The following IGSF10 variants were observed in gnomAD, a reference collection of about 807,000 sequenced individuals.
The protein encoded by IGSF10 is calvaria mechanical force protein 608.
IGSF10 carries 126 observed loss-of-function variants against 128.2 expected under a neutral mutation model. The observed-to-expected ratio is 0.98, with a 90% CI of 0.85 to 1.14. The LOEUF (loss-of-function observed/expected upper bound fraction) is 1.14. IGSF10 is among the 50% of genes most tolerant of loss of function. IGSF10 has a pLI of 0.00. For missense variants in IGSF10, 3,295 were observed against 3,149.8 expected (o/e 1.05, Z -1.10); for synonymous variants, 1,185 against 1,146.2 (o/e 1.03, Z -0.68).
At chr3:151,514,662 C>T in the IGSF10 span, among the ~76,000 whole-genome samples, 1 of 152,146 alleles carries the variant, frequency 6.6e-6, no homozygotes, top group Non-Finnish European at 1.5e-5. Context: ...AAAGAAACCA[C>T]CGTCAGAGTG....
the IGSF10 span, among the ~76,000 whole-genome samples, chr3:151,529,869 T>A: frequency 2.6e-5 from 4 of 151,988 alleles, no homozygotes; most frequent in African/African-American, 9.7e-5. Context: ...TTTGACGAAT[T>A]GACAGAAGTA....
the IGSF10 span, among the ~76,000 whole-genome samples, chr3:151,608,441 C>T: frequency 6.6e-5 from 10 of 152,166 alleles, no homozygotes; most frequent in Admixed American, 1.3e-4. Flanking sequence ...AGCCTTTGGA[C>T]GTTCAGGTTT....
At chr3:151,569,695 T>C in the IGSF10 span, among the ~76,000 whole-genome samples, 1 of 152,204 alleles carries the variant, frequency 6.6e-6, no homozygotes, top group Admixed American at 6.5e-5. Context: ...AATTTGTGAA[T>C]ATATTTTCAA....
downstream of IGSF10, chr3:151,432,865 T>G: frequency 7.8e-7 from 1 of 1,282,874 alleles, no homozygotes; most frequent in South Asian, 1.3e-5. Context: ...AAATCAAATT[T>G]AATGCATTAG....
the IGSF10 span, among the ~76,000 whole-genome samples, chr3:151,521,498 A>G: frequency 6.6e-6 from 1 of 152,086 alleles, no homozygotes. Flanking sequence ...AATCAAAATC[A>G]TATCAAACAC....
chr3:151,488,472 AC>A, the IGSF10 span, among the ~76,000 whole-genome samples: 1 of 152,212 alleles, frequency 6.6e-6, no homozygotes, highest in Non-Finnish European at 1.5e-5. Flanking sequence ...AAAAAAAACT[AC>A]TTTAAATGTC....
the IGSF10 span, among the ~76,000 whole-genome samples, chr3:151,615,518 G>T: frequency 6.6e-6 from 1 of 152,100 alleles, no homozygotes; most frequent in Non-Finnish European, 1.5e-5. Flanking sequence ...AATATGTGAA[G>T]AAATTTGCAG....
chr3:151,500,067 A>T, the IGSF10 span, among the ~76,000 whole-genome samples: 1 of 152,170 alleles, frequency 6.6e-6, no homozygotes, highest in Non-Finnish European at 1.5e-5. Context: ...ATTTAATATC[A>T]ATGTTGACAT....
At chr3:151,535,566 C>A in the IGSF10 span, among the ~76,000 whole-genome samples, 5 of 152,060 alleles carry the variant, frequency 3.3e-5, no homozygotes, top group African/African-American at 4.8e-5. Flanking sequence ...ATGTAACAAA[C>A]CTGCACATGT....
the IGSF10 span, chr3:151,566,007 GGCAGGGGTCCA>G: frequency 6.5e-6 from 1 of 153,224 alleles, no homozygotes; most frequent in South Asian, 2.1e-4. Context: ...TTGGGGAGTA[GGCAGGGGTCCA>G]GTCCTGGGAG....
chr3:151,467,978 T>C, the IGSF10 span, among the ~76,000 whole-genome samples: 1 of 152,210 alleles, frequency 6.6e-6, no homozygotes, highest in Non-Finnish European at 1.5e-5. Context: ...AAAAGTTGAT[T>C]AGTCTGTCAT....
At position 151,436,716 on chromosome 3, in the gene IGSF10, A is replaced by G. The variant is rs778040416; in HGVS notation, c.7845T>C (p.Tyr2615=). Residue 2615 remains tyrosine, a synonymous_variant, in exon 8 of 8, where the codon TAT becomes TAC. Coordinates refer to ENST00000282466, the MANE Select transcript of IGSF10 (RefSeq NM_178822.5). The part of the protein sequence containing the change: ...CTAKNPLGSD[Y]AATYIQVI Reference sequence around the variant, plus strand: ...AGATTACTTGAATATACGTTGCTGCATAATCACTACCAAGTGGGTTCTTTG... The same window carrying G: ...AGATTACTTGAATATACGTTGCTGCGTAATCACTACCAAGTGGGTTCTTTG... The G allele has an allele frequency of 3.7e-6, 6 of 1,612,356 alleles. No individual in the cohort carries two copies. In the Admixed American group the frequency reaches 5.0e-5, roughly 13 times the overall value.
the IGSF10 span, among the ~76,000 whole-genome samples, chr3:151,511,325 A>G: frequency 3.9e-5 from 6 of 152,232 alleles, no homozygotes; most frequent in Admixed American, 3.9e-4. Context: ...ATTCTTAAAG[A>G]AAAGAATTTC....
chr3:151,490,245 A>C, the IGSF10 span, among the ~76,000 whole-genome samples: 2 of 152,200 alleles, frequency 1.3e-5, no homozygotes, highest in African/African-American at 4.8e-5. Flanking sequence ...GGCTAAATTT[A>C]AAGTTGACTT....
At chr3:151,601,576 T>G in the IGSF10 span, among the ~76,000 whole-genome samples, 1 of 152,214 alleles carries the variant, frequency 6.6e-6, no homozygotes, top group Non-Finnish European at 1.5e-5. Context: ...TAGACTGCTT[T>G]ACTTGGGGCC....
At chr3:151,576,567 G>A in the IGSF10 span, among the ~76,000 whole-genome samples, 1 of 152,156 alleles carries the variant, frequency 6.6e-6, no homozygotes, top group African/African-American at 2.4e-5. Flanking sequence ...ACTTCTTTTA[G>A]AAGATCACAG....
the IGSF10 span, among the ~76,000 whole-genome samples, chr3:151,578,600 C>T: frequency 6.6e-6 from 1 of 152,144 alleles, no homozygotes; most frequent in Non-Finnish European, 1.5e-5. Flanking sequence ...AAGAGAACTC[C>T]TTTGCAATGC....
At chr3:151,444,898 T>TA in intron 6 of IGSF10, 21 bp downstream of exon 6, 1 of 1,543,142 alleles carries the variant, frequency 6.5e-7, no homozygotes, top group Non-Finnish European at 8.7e-7. Flanking sequence ...AAACTAAGTG[T>TA]AAAGAAAAAG....
Position 151,446,555 on chromosome 3 carries a change from G to T in IGSF10, c.3426C>A (p.Val1142=). 6.2e-7 allele frequency: 1 copy of T among 1,613,950 alleles called. No individual in the cohort carries two copies. Among genetic ancestry groups the T allele is most frequent in the African/African-American group, 1.3e-5 (1 of 75,040 alleles). Residue 1142 remains valine (V), a synonymous_variant, in exon 6 of 8, where the codon GTC becomes GTA. Transcript: ENST00000282466. ...GTATGGATGTTGGAGCATATGTCAT[G>T]ACTGCACCAGTTGGAGTCACTTGGG... ...EISQVTPTGA[V]MTYAPTSIPM... is the part of the protein sequence containing the mutation.
Sources: gnomAD v4.1 joint callset for allele counts (sites outside exome capture counted in the v4.1 genomes callset) on GRCh38, gnomAD v4.1.1 for gene constraint, MANE v1.5 for transcripts, NCBI Gene and HGNC (gene_info 2026-07-23, HGNC 2026-07-21) for gene names.